Variants in PTBP2 observed in about 807,000 individuals in gnomAD.
PTBP2 encodes polypyrimidine tract-binding protein 2.
A neutral mutation model predicts 61.4 loss-of-function variants in PTBP2; 13 were observed. The ratio of observed to expected loss-of-function variants is 0.21; its 90% confidence interval spans 0.14 to 0.34. PTBP2 has a LOEUF of 0.34. PTBP2 is among the 10% of genes least tolerant of loss of function. The pLI, the probability that PTBP2 is intolerant of heterozygous loss-of-function variation, is 1.00. For missense variants in PTBP2, 405 were observed against 642.6 expected, an observed-to-expected ratio of 0.63 and a Z score of 4.00; for synonymous variants, 215 against 218.5, an observed-to-expected ratio of 0.98 and a Z score of 0.14.
intron 2 of PTBP2, among the ~76,000 whole-genome samples, chr1:96,734,577 T>G (rs2100822573): frequency 6.6e-6 from 1 of 152,042 alleles, no homozygotes; most frequent in Admixed American, 6.5e-5. Flanking sequence ...TCCTGTTTTT[T>G]GTTTTTTTTT....
In PTBP2 at chr1:96,813,199, A is replaced by G. The variant is rs975103999; in HGVS notation, c.1467-77A>G. 1.3e-5 allele frequency: 20 copies of G among 1,543,988 alleles called. No individual in the cohort carries two copies. In the African/African-American group the frequency reaches 1.8e-4, roughly 14 times the overall value. On this transcript the variant is annotated intron_variant, in intron 13 of 13. Transcript: ENST00000674951. Reference sequence around the variant, plus strand: ...GTTTATAGAAATTTTTGATTCCGGAATGGCCAAAATTCAAGTATTTAATAA... The same window carrying G: ...GTTTATAGAAATTTTTGATTCCGGAGTGGCCAAAATTCAAGTATTTAATAA...
exon 14 of PTBP2, chr1:96,823,370 G>T (rs891730706): frequency 6.6e-6 from 1 of 152,202 alleles, no homozygotes; most frequent in Non-Finnish European, 1.5e-5. Flanking sequence ...TGCTGCTGCT[G>T]TTCTGGCTTG....
intron 2 of PTBP2, 100 bp from the exon 3 acceptor site, chr1:96,751,325 A>C (rs182316383): frequency 4.3e-6 from 4 of 932,136 alleles, no homozygotes; most frequent in African/African-American, 3.3e-5. Flanking sequence ...ATTTTTAACT[A>C]TTCCCAATAG....
At chr1:96,818,074 T>C (rs1169674736), downstream of PTBP2, 1 of 152,078 alleles carries the variant, frequency 6.6e-6, no homozygotes, top group Non-Finnish European at 1.5e-5. Flanking sequence ...CGCTGAATTA[T>C]GTGTAAGGTC....
intron 2 of PTBP2, among the ~76,000 whole-genome samples, chr1:96,736,045 G>C (rs1165360785): frequency 6.6e-6 from 1 of 152,112 alleles, no homozygotes; most frequent in Non-Finnish European, 1.5e-5. Context: ...GAAGATAGTG[G>C]AATAATATTT....
intron 7 of PTBP2, among the ~76,000 whole-genome samples, chr1:96,778,583 C>G (rs1658304737): frequency 6.6e-6 from 1 of 152,006 alleles, no homozygotes; most frequent in Non-Finnish European, 1.5e-5. Flanking sequence ...CTTAAATCTA[C>G]TTTTGCTCTG....
chr1:96,798,190 G>C (rs992652051), intron 8 of PTBP2, among the ~76,000 whole-genome samples: 3 of 151,906 alleles, frequency 2.0e-5, no homozygotes, highest in African/African-American at 7.3e-5. Flanking sequence ...CATATCACTT[G>C]AGATCATGAG....
intron 8 of PTBP2, among the ~76,000 whole-genome samples, chr1:96,785,978 G>C (rs1460994889): frequency 1.3e-5 from 2 of 152,144 alleles, no homozygotes; most frequent in African/African-American, 4.8e-5. Context: ...TGATTTATAA[G>C]TTAAGATGGA....
intron 7 of PTBP2, among the ~76,000 whole-genome samples, chr1:96,782,864 T>C (rs889622344): frequency 6.6e-6 from 1 of 152,072 alleles, no homozygotes; most frequent in Non-Finnish European, 1.5e-5. Flanking sequence ...GCTTTAATTA[T>C]GCTTTCTGTG....
chr1:96,760,214 A>AT (rs1208736853), intron 3 of PTBP2, among the ~76,000 whole-genome samples: 8 of 151,098 alleles, frequency 5.3e-5, no homozygotes, highest in Non-Finnish European at 1.0e-4. Context: ...GAGCAGCCCA[A>AT]TTTTTTTTTA....
At chr1:96,731,613 G>A (rs1303325119) in intron 2 of PTBP2, among the ~76,000 whole-genome samples, 1 of 151,982 alleles carries the variant, frequency 6.6e-6, no homozygotes, top group African/African-American at 2.4e-5. Flanking sequence ...TAATGTTAAT[G>A]TATTTACATT....
intron 2 of PTBP2, among the ~76,000 whole-genome samples, chr1:96,726,508 G>C (rs375521593): frequency 4.6e-5 from 7 of 150,796 alleles, no homozygotes; most frequent in African/African-American, 1.2e-4. Flanking sequence ...CGCGATCTCT[G>C]CTCACTGCAA....
chr1:96,817,971 A>AAGGATTTTAAATTGTGTTT (rs1419812641), downstream of PTBP2: 1 of 152,116 alleles, frequency 6.6e-6, no homozygotes, highest in Non-Finnish European at 1.5e-5. Context: ...AATTTTTAAC[A>AAGGATTTTAAATTGTGTTT]AGGATTTTAA....
chr1:96,741,909 CA>C (rs1200661926), intron 2 of PTBP2, among the ~76,000 whole-genome samples: 1 of 152,156 alleles, frequency 6.6e-6, no homozygotes, highest in Non-Finnish European at 1.5e-5. Context: ...TCCGTATATT[CA>C]CAGAACCATT....
intron 3 of PTBP2, among the ~76,000 whole-genome samples, chr1:96,766,500 T>C (rs1218936985): frequency 6.6e-6 from 1 of 152,162 alleles, no homozygotes; most frequent in Non-Finnish European, 1.5e-5. Flanking sequence ...TGAAGAATTG[T>C]AGAACTGTAA....
At chr1:96,787,084 A>G (rs995390033) in intron 8 of PTBP2, among the ~76,000 whole-genome samples, 3 of 152,100 alleles carry the variant, frequency 2.0e-5, no homozygotes, top group African/African-American at 7.2e-5. Context: ...GTGGTGGCGC[A>G]GTCTCGGCTC....
At chr1:96,723,058 T>A (rs1649850982) in intron 1 of PTBP2, among the ~76,000 whole-genome samples, 1 of 152,170 alleles carries the variant, frequency 6.6e-6, no homozygotes, top group African/African-American at 2.4e-5. Flanking sequence ...AAAAACAAGA[T>A]TTTATAAAAG....
chr1:96,799,369 C>G (rs1331755717), intron 8 of PTBP2, among the ~76,000 whole-genome samples: 2 of 137,934 alleles, frequency 1.4e-5, no homozygotes, highest in African/African-American at 5.6e-5. Context: ...GATCTCGGCT[C>G]ACTGCAAACT....
At chr1:96,749,154 G>A (rs2100900133) in intron 2 of PTBP2, among the ~76,000 whole-genome samples, 1 of 152,092 alleles carries the variant, frequency 6.6e-6, no homozygotes, top group East Asian at 1.9e-4. Flanking sequence ...TTGCAGGAAG[G>A]AGGAAGAGTG....
Sources: gnomAD v4.1 joint callset for allele counts (sites outside exome capture counted in the v4.1 genomes callset) on GRCh38, gnomAD v4.1.1 for gene constraint, MANE v1.5 for transcripts, NCBI Gene and HGNC (gene_info 2026-07-23, HGNC 2026-07-21) for gene names.